Variants in CNTN5 observed in about 807,000 individuals in gnomAD.
CNTN5 encodes contactin-5.
CNTN5 carries 77 observed loss-of-function variants against 129.1 expected under a neutral mutation model. That is an observed-to-expected ratio of 0.60 (90% confidence interval 0.50 to 0.72). The LOEUF is 0.72. Ranked by LOEUF, CNTN5 falls within the 30% of genes least tolerant of loss-of-function variation. The pLI, the probability that CNTN5 is intolerant of heterozygous loss-of-function variation, is 0.00. For missense variants in CNTN5, 1,478 were observed against 1,328.8 expected (o/e 1.11, Z -1.75); for synonymous variants, 509 against 465.6 (o/e 1.09, Z -1.20).
intron 3 of CNTN5, among the ~76,000 whole-genome samples, chr11:99,786,282 G>C (rs1945520700): frequency 6.6e-6 from 1 of 151,962 alleles, no homozygotes. Context: ...AAAATACCTA[G>C]GAATCCAACT....
At chr11:99,118,961 G>A (rs1045344208) in intron 1 of CNTN5, among the ~76,000 whole-genome samples, 9 of 151,744 alleles carry the variant, frequency 5.9e-5, no homozygotes, top group Non-Finnish European at 1.0e-4. Flanking sequence ...AATTATGGTA[G>A]ATAATATTTT....
intron 2 of CNTN5, among the ~76,000 whole-genome samples, chr11:99,499,714 G>T (rs1056166097): frequency 3.3e-5 from 5 of 152,080 alleles, no homozygotes; most frequent in African/African-American, 4.8e-5. Context: ...ACTCAATTTT[G>T]ATATTTATTT....
At chr11:99,422,183 A>G (rs1942917219) in intron 2 of CNTN5, among the ~76,000 whole-genome samples, 1 of 152,180 alleles carries the variant, frequency 6.6e-6, no homozygotes, top group Non-Finnish European at 1.5e-5. Flanking sequence ...TGTTTTTAAC[A>G]TTTAACTGTT....
At chr11:99,912,711 A>T (rs1949693853) in intron 6 of CNTN5, among the ~76,000 whole-genome samples, 1 of 148,234 alleles carries the variant, frequency 6.7e-6, no homozygotes, top group South Asian at 2.1e-4. Context: ...CTACAGTTCT[A>T]GTTACAGCTC....
At chr11:100,086,282 C>A (rs890433797) in intron 13 of CNTN5, among the ~76,000 whole-genome samples, 1 of 150,012 alleles carries the variant, frequency 6.7e-6, no homozygotes, top group Admixed American at 6.7e-5. Context: ...ATTAAAGTTA[C>A]GACTTAAATA....
At chr11:99,814,410 G>A (rs958828186) in intron 3 of CNTN5, among the ~76,000 whole-genome samples, 5 of 152,128 alleles carry the variant, frequency 3.3e-5, no homozygotes, top group African/African-American at 1.2e-4. Flanking sequence ...CTGTATTATG[G>A]GAGAGTAAAT....
At chr11:100,256,834 TG>T (rs1950081493) in intron 17 of CNTN5, among the ~76,000 whole-genome samples, 1 of 152,030 alleles carries the variant, frequency 6.6e-6, no homozygotes, top group Non-Finnish European at 1.5e-5. Context: ...CAGGTGCCTA[TG>T]GCACCAGGGC....
At chr11:99,625,921 TATACACAC>T (rs200124637) in intron 3 of CNTN5, among the ~76,000 whole-genome samples, 447 of 7,168 alleles carry the variant, frequency 0.062, 3 homozygotes, top group South Asian at 0.39. Context: ...TATATATATA[TATACACAC>T]ACACACACAC....
chr11:100,086,248 A>T (rs932021055), intron 13 of CNTN5, among the ~76,000 whole-genome samples: 11 of 150,786 alleles, frequency 7.3e-5, no homozygotes, highest in African/African-American at 2.7e-4. Context: ...CCCACTAATT[A>T]CTCTGTCTAC....
intron 21 of CNTN5, among the ~76,000 whole-genome samples, chr11:100,334,054 C>A (rs1951971358): frequency 6.6e-6 from 1 of 152,102 alleles, no homozygotes; most frequent in African/African-American, 2.4e-5. Context: ...GGACTAATAT[C>A]AGAATCTACA....
chr11:99,619,149 C>A (rs539699774), intron 3 of CNTN5, among the ~76,000 whole-genome samples: 82 of 151,412 alleles, frequency 5.4e-4, no homozygotes, highest in African/African-American at 1.9e-3. Flanking sequence ...AAAACTGACT[C>A]CATCAAAATT....
intron 3 of CNTN5, among the ~76,000 whole-genome samples, chr11:99,647,727 T>C (rs566105302): frequency 2.0e-5 from 3 of 152,010 alleles, no homozygotes; most frequent in South Asian, 4.2e-4. Flanking sequence ...CAGTTTGTTA[T>C]ACTATTTTTT....
intron 3 of CNTN5, among the ~76,000 whole-genome samples, chr11:99,692,600 C>A (rs1954085421): frequency 6.6e-6 from 1 of 152,000 alleles, no homozygotes; most frequent in Non-Finnish European, 1.5e-5. Flanking sequence ...CTGAGAGGTC[C>A]ACTGTTAATC....
At chr11:99,210,444 G>A (rs984431432) in intron 1 of CNTN5, among the ~76,000 whole-genome samples, 6 of 152,112 alleles carry the variant, frequency 3.9e-5, no homozygotes, top group Middle Eastern at 3.4e-3. Context: ...TCTTGGTCTC[G>A]GTAGAGAAGA....
Position 99,132,433 on chromosome 11 carries a change from A to T in CNTN5, c.-210+111163A>T, listed in dbSNP as rs563401105. On this transcript the variant is annotated intron_variant, in intron 1 of 24. Transcript: ENST00000524871. Reference sequence around the variant, plus strand: ...ATCAGGCAAGAGAAAGAAATAAAGGATATTTAAATAGGAAGAGAGGAAGTT... The same window carrying T: ...ATCAGGCAAGAGAAAGAAATAAAGGTTATTTAAATAGGAAGAGAGGAAGTT... Among the ~76,000 whole-genome samples the T allele has an allele frequency of 3.9e-5, 6 of 152,268 alleles. No homozygotes were observed. The East Asian group carries it at 9.6e-4, about 24-fold the overall frequency.
At chr11:99,382,845 CTTTTT>C (rs1163660333) in intron 2 of CNTN5, among the ~76,000 whole-genome samples, 143 of 77,002 alleles carry the variant, frequency 1.9e-3, no homozygotes, top group Non-Finnish European at 2.3e-3. Context: ...CTCTAAATAA[CTTTTT>C]TTTTTTTTTT....
At chr11:100,050,266 A>C (rs1942884333) in intron 9 of CNTN5, among the ~76,000 whole-genome samples, 1 of 152,216 alleles carries the variant, frequency 6.6e-6, no homozygotes, top group Non-Finnish European at 1.5e-5. Context: ...AAAATGTGGC[A>C]CATATACACC....
At chr11:99,389,347 C>A (rs1019861629) in intron 2 of CNTN5, among the ~76,000 whole-genome samples, 1 of 151,888 alleles carries the variant, frequency 6.6e-6, no homozygotes, top group Non-Finnish European at 1.5e-5. Context: ...TATTTTCTAT[C>A]CCAGGTTAAA....
chr11:99,932,445 A>T (rs1950214635), intron 7 of CNTN5, among the ~76,000 whole-genome samples: 1 of 152,010 alleles, frequency 6.6e-6, no homozygotes, highest in East Asian at 1.9e-4. Flanking sequence ...GACCCACCTC[A>T]GCCTCCCAAA....
Sources: allele counts gnomAD v4.1 joint callset (sites outside exome capture counted in the v4.1 genomes callset), GRCh38; gene constraint gnomAD v4.1.1; transcripts MANE v1.5; gene names NCBI Gene and HGNC (gene_info 2026-07-23, HGNC 2026-07-21).